The following CPE variants were observed in gnomAD, a reference collection of about 807,000 sequenced individuals.
The protein encoded by CPE is carbocypeptidase E.
In CPE, 17 loss-of-function variants were observed where a neutral mutation model predicts 53.5. The observed-to-expected ratio is 0.32, with a 90% CI of 0.22 to 0.48. The LOEUF (loss-of-function observed/expected upper bound fraction) is 0.48. Ranked by LOEUF, CPE falls within the 20% of genes least tolerant of loss-of-function variation. The probability of loss-of-function intolerance (pLI) is 0.99; values close to 1 mark genes in which losing one functional copy is unlikely to be tolerated. For missense variants in CPE, 524 were observed against 614.7 expected, an observed-to-expected ratio of 0.85 and a Z score of 1.56; for synonymous variants, 226 against 228.8, an observed-to-expected ratio of 0.99 and a Z score of 0.11.
intron 1 of CPE, among the ~76,000 whole-genome samples, chr4:165,393,637 A>G (rs1324262904): frequency 6.6e-6 from 1 of 152,180 alleles, no homozygotes; most frequent in African/African-American, 2.4e-5. Flanking sequence ...TCCCATAACA[A>G]TGTACACAGT....
chr4:165,394,237 G>T (rs1030080938), intron 1 of CPE, among the ~76,000 whole-genome samples: 5 of 152,146 alleles, frequency 3.3e-5, no homozygotes, highest in Admixed American at 2.0e-4. Flanking sequence ...TTGAGTTAGG[G>T]ACTGGTAAAA....
At chr4:165,469,044 G>A (rs948513153) in intron 3 of CPE, among the ~76,000 whole-genome samples, 3 of 152,196 alleles carry the variant, frequency 2.0e-5, no homozygotes, top group Non-Finnish European at 4.4e-5. Context: ...GATTGAATGA[G>A]TTAATACATA....
At chr4:165,483,569 G>T (rs1007683012) in intron 4 of CPE, among the ~76,000 whole-genome samples, 1 of 152,206 alleles carries the variant, frequency 6.6e-6, no homozygotes, top group Non-Finnish European at 1.5e-5. Flanking sequence ...TCTCTGTACT[G>T]TTCCTCATAG....
At chr4:165,425,312 T>G (rs1399647298) in intron 1 of CPE, among the ~76,000 whole-genome samples, 1 of 150,964 alleles carries the variant, frequency 6.6e-6, no homozygotes, top group African/African-American at 2.4e-5. Flanking sequence ...ACTCTGACTT[T>G]TAAGCTAGAA....
intron 1 of CPE, among the ~76,000 whole-genome samples, chr4:165,442,036 G>GT (rs1318749931): frequency 0.014 from 856 of 61,136 alleles, 18 homozygotes; most frequent in African/African-American, 0.053. Flanking sequence ...TTTTTTTTTT[G>GT]TTTTTTTTTT....
intron 3 of CPE, among the ~76,000 whole-genome samples, chr4:165,474,808 G>C (rs950004824): frequency 1.9e-4 from 29 of 152,294 alleles, no homozygotes; most frequent in African/African-American, 7.0e-4. Context: ...TTGTCTCCAT[G>C]ACATTATGGT....
At chr4:165,440,861 T>C (rs1457469851) in intron 1 of CPE, among the ~76,000 whole-genome samples, 1 of 151,406 alleles carries the variant, frequency 6.6e-6, no homozygotes, top group East Asian at 1.9e-4. Flanking sequence ...GAGGCTGGTG[T>C]GCTCCTTCTT....
chr4:165,476,826 A>G (rs1322022740), intron 3 of CPE, among the ~76,000 whole-genome samples: 1 of 152,100 alleles, frequency 6.6e-6, no homozygotes, highest in Non-Finnish European at 1.5e-5. Context: ...CCTGCTTCTG[A>G]GTCATGGATA....
At chr4:165,479,435 C>T (rs949187062) in intron 3 of CPE, among the ~76,000 whole-genome samples, 2 of 152,094 alleles carry the variant, frequency 1.3e-5, no homozygotes, top group Admixed American at 6.5e-5. Flanking sequence ...AGAAAACTTT[C>T]GTAAGGATGT....
At chr4:165,405,483 C>G (rs1730938472) in intron 1 of CPE, 1 of 858,486 alleles carries the variant, frequency 1.2e-6, no homozygotes, top group East Asian at 2.4e-5. Context: ...AGGGAAAGCC[C>G]TTTAGTCCGC....
chr4:165,493,860 G>C (rs538369426), intron 7 of CPE, among the ~76,000 whole-genome samples: 25 of 152,296 alleles, frequency 1.6e-4, no homozygotes, highest in Admixed American at 5.9e-4. Context: ...GGAAAATGAT[G>C]CATTTTTCTG....
At position 165,495,621 on chromosome 4, in the gene CPE, C is replaced by T; in HGVS notation, c.1276C>T (p.Pro426Ser). 6.2e-7 allele frequency: 1 copy of T among 1,613,988 alleles called. No homozygotes were observed. Among genetic ancestry groups the T allele is most frequent in the Non-Finnish European group, 8.5e-7 (1 of 1,179,950 alleles). Reference protein sequence around the residue: ...PGNYKLTASAPGYLAITKKVA... With the variant: ...PGNYKLTASASGYLAITKKVA... ...AAACTATAAACTTACAGCCTCAGCT[C>T]CAGGCTATCTGGCAATAACAAAGAA... Residue 426 changes from proline (P) to serine (S), a missense_variant, in exon 8 of 9, where the codon CCA becomes TCA. Transcript: ENST00000402744.
intron 3 of CPE, among the ~76,000 whole-genome samples, chr4:165,475,814 C>A (rs1732289295): frequency 6.6e-6 from 1 of 152,106 alleles, no homozygotes; most frequent in Non-Finnish European, 1.5e-5. Flanking sequence ...TCCTTCCACC[C>A]CTCCGAGCCA....
chr4:165,427,207 T>G (rs1731335629), intron 1 of CPE, among the ~76,000 whole-genome samples: 1 of 152,310 alleles, frequency 6.6e-6, no homozygotes, highest in Non-Finnish European at 1.5e-5. Context: ...TGCAAAATTA[T>G]CTGTGCCTGC....
At chr4:165,438,590 T>G (rs1731552487) in intron 1 of CPE, among the ~76,000 whole-genome samples, 1 of 152,100 alleles carries the variant, frequency 6.6e-6, no homozygotes, top group African/African-American at 2.4e-5. Flanking sequence ...GTCCTACAGT[T>G]TAGTGGGAAA....
chr4:165,476,381 C>T (rs1232818191), intron 3 of CPE, among the ~76,000 whole-genome samples: 3 of 152,024 alleles, frequency 2.0e-5, no homozygotes, highest in Non-Finnish European at 4.4e-5. Flanking sequence ...TTGGGAGGGG[C>T]GCTTGCACAG....
Position 165,487,583 on chromosome 4 carries a change from C to T in CPE, c.1113+6C>T. 1 of 1,613,882 alleles carries T rather than the reference C, an allele frequency of 6.2e-7. No individual in the cohort carries two copies. The highest frequency in any genetic ancestry group is 8.5e-7 in the Non-Finnish European group (1 of 1,179,934). On this transcript the variant is annotated splice_donor_region_variant and intron_variant, in intron 6 of 8. Coordinates refer to ENST00000402744, the MANE Select transcript of CPE (RefSeq NM_001873.4). The stretch of plus-strand genomic sequence containing the variant: ...TCATTAGCTACCTTGAGCAGGTAAA[C>T]ACAGTCCCCAGCATAAAAATGCAAG...
chr4:165,380,971 A>G (rs1011378513), intron 1 of CPE, among the ~76,000 whole-genome samples: 4 of 152,198 alleles, frequency 2.6e-5, no homozygotes, highest in Non-Finnish European at 4.4e-5. Context: ...GCTAAATCCA[A>G]TAACCAAAGC....
chr4:165,494,479 G>A (rs1732668639), intron 7 of CPE, among the ~76,000 whole-genome samples: 1 of 152,206 alleles, frequency 6.6e-6, no homozygotes, highest in East Asian at 1.9e-4. Context: ...GGTAGAAAAT[G>A]AAGTGTGTTG....
Sources: allele counts gnomAD v4.1 joint callset (sites outside exome capture counted in the v4.1 genomes callset), GRCh38; gene constraint gnomAD v4.1.1; transcripts MANE v1.5; gene names NCBI Gene and HGNC (gene_info 2026-07-23, HGNC 2026-07-21).